Variants in DMD observed in about 807,000 individuals in gnomAD.
DMD encodes the protein dystrophin.
A neutral mutation model predicts 330.1 loss-of-function variants in DMD; 63 were observed. The observed-to-expected ratio is 0.19, with a 90% CI of 0.16 to 0.24. The LOEUF (loss-of-function observed/expected upper bound fraction) is 0.24. DMD is among the 10% of genes least tolerant of loss of function. DMD has a pLI of 1.00. For missense variants in DMD, 3,344 were observed against 2,684.1 expected, an observed-to-expected ratio of 1.25 and a Z score of -5.43; for synonymous variants, 1,223 against 959.8, an observed-to-expected ratio of 1.27 and a Z score of -5.07.
chrX:32,822,328 A>C (rs2078328363), intron 5 of DMD, among the ~76,000 whole-genome samples: 1 of 111,010 alleles, frequency 9.0e-6, no homozygotes, highest in Non-Finnish European at 1.9e-5. Flanking sequence ...AAATGCCACT[A>C]AGATGGTAAC....
intron 1 of DMD, among the ~76,000 whole-genome samples, chrX:33,030,292 GT>G (rs772715945): frequency 1.1e-4 from 12 of 111,657 alleles, no homozygotes; most frequent in Non-Finnish European, 1.7e-4. Flanking sequence ...GATTTTTATA[GT>G]ATTTGTAAAT....
At chrX:32,491,238 A>T in intron 20 of DMD, 39 bp downstream of exon 20, 1 of 1,205,101 alleles carries the variant, frequency 8.3e-7, no homozygotes, top group Non-Finnish European at 1.1e-6. Context: ...AGAAATACCT[A>T]TTGATTATGC....
At chrX:32,343,851 G>A (rs1052607212) in intron 39 of DMD, among the ~76,000 whole-genome samples, 1 of 111,869 alleles carries the variant, frequency 8.9e-6, no homozygotes, top group Non-Finnish European at 1.9e-5. Context: ...GTTCCAAGCT[G>A]TATGTGTAGA....
At chrX:32,460,311 G>A (rs1436803422) in intron 25 of DMD, among the ~76,000 whole-genome samples, 1 of 110,274 alleles carries the variant, frequency 9.1e-6, no homozygotes, top group Non-Finnish European at 1.9e-5. Context: ...GAACAGCATG[G>A]AGGTTCCTCA....
intron 2 of DMD, among the ~76,000 whole-genome samples, chrX:32,938,091 A>T (rs2090144707): frequency 9.0e-6 from 1 of 110,968 alleles, no homozygotes; most frequent in South Asian, 3.8e-4. Flanking sequence ...GTTTGTAAAC[A>T]CTCCACCAAT....
At chrX:31,571,254 G>GGGGTGTGTGTGT (rs1391973551) in intron 55 of DMD, among the ~76,000 whole-genome samples, 1 of 90,445 alleles carries the variant, frequency 1.1e-5, no homozygotes, top group African/African-American at 4.2e-5. Context: ...GATTTAAAGG[G>GGGGTGTGTGTGT]GTGTGTGTGT....
intron 45 of DMD, among the ~76,000 whole-genome samples, chrX:31,938,105 C>T (rs1004375789): frequency 9.0e-6 from 1 of 111,556 alleles, no homozygotes; most frequent in African/African-American, 3.3e-5. Flanking sequence ...CATTTTCTGT[C>T]GGGCTACTCT....
chrX:33,300,259 C>T (rs184878702), intron 1 of DMD, among the ~76,000 whole-genome samples: 2 of 112,450 alleles, frequency 1.8e-5, no homozygotes, highest in Admixed American at 9.4e-5. Flanking sequence ...TCAAATACCA[C>T]AGCCACACCC....
chrX:31,511,438 C>T (rs1437287543), intron 55 of DMD, among the ~76,000 whole-genome samples: 1 of 100,844 alleles, frequency 9.9e-6, no homozygotes, highest in Non-Finnish European at 2.0e-5. Flanking sequence ...CCCACTAACT[C>T]ATCATCTAGC....
chrX:32,232,642 T>A (rs2097173043), intron 43 of DMD, among the ~76,000 whole-genome samples: 2 of 112,359 alleles, frequency 1.8e-5, no homozygotes, highest in African/African-American at 6.5e-5. Context: ...TTTTATATTC[T>A]ATCTTATTAA....
intron 1 of DMD, among the ~76,000 whole-genome samples, chrX:33,337,201 C>T (rs2054267936): frequency 8.9e-6 from 1 of 111,779 alleles, no homozygotes; most frequent in Non-Finnish European, 1.9e-5. Flanking sequence ...AGGAAGCTCA[C>T]ATTTTTTCGA....
chrX:32,501,605 T>TA (rs944500212), intron 19 of DMD, 150 bp downstream of exon 19: 4 of 479,128 alleles, frequency 8.3e-6, no homozygotes, highest in Admixed American at 7.3e-5. Flanking sequence ...TCCTTAGCAT[T>TA]AAAAAAAGAA....
At chrX:33,041,382 G>A in intron 1 of DMD, 2 of 1,185,158 alleles carry the variant, frequency 1.7e-6, no homozygotes, top group East Asian at 3.0e-5. Context: ...CTTCTCGCGG[G>A]GCTCGAGGGA....
chrX:32,321,954 T>C (rs949211659), intron 41 of DMD, among the ~76,000 whole-genome samples: 1 of 111,492 alleles, frequency 9.0e-6, no homozygotes, highest in African/African-American at 3.3e-5. Context: ...GCCTGTTACC[T>C]AGTTTTTAAA....
chrX:32,817,136 T>G (rs1436924463), intron 5 of DMD, among the ~76,000 whole-genome samples: 2 of 111,934 alleles, frequency 1.8e-5, no homozygotes, highest in Non-Finnish European at 3.8e-5. Context: ...TCTGTGTATC[T>G]TACATGCAAG....
chrX:32,366,944 T>C (rs1413318313), intron 34 of DMD, among the ~76,000 whole-genome samples: 1 of 112,446 alleles, frequency 8.9e-6, no homozygotes, highest in Non-Finnish European at 1.9e-5. Flanking sequence ...TGCATGGGGT[T>C]CTTCATATGT....
chrX:31,291,448 C>T (rs1186154730), intron 62 of DMD, among the ~76,000 whole-genome samples: 3 of 111,925 alleles, frequency 2.7e-5, no homozygotes, highest in East Asian at 2.8e-4. Context: ...ACTTACGCTT[C>T]GCTAGCCTTG....
At chrX:31,375,781 C>T (rs963249620) in intron 60 of DMD, among the ~76,000 whole-genome samples, 8 of 111,657 alleles carry the variant, frequency 7.2e-5, no homozygotes, top group African/African-American at 9.8e-5. Context: ...TGCAAGTCCA[C>T]TACATGACAA....
intron 51 of DMD, among the ~76,000 whole-genome samples, chrX:31,744,563 GA>G (rs1307233861): frequency 8.9e-6 from 1 of 112,171 alleles, no homozygotes; most frequent in Non-Finnish European, 1.9e-5. Context: ...TTATCAAGAC[GA>G]ATTCTCTTGT....
Sources: allele counts gnomAD v4.1 joint callset (sites outside exome capture counted in the v4.1 genomes callset), GRCh38; gene constraint gnomAD v4.1.1; transcripts MANE v1.5; gene names NCBI Gene and HGNC (gene_info 2026-07-23, HGNC 2026-07-21).